The following DOCK4 variants were observed in gnomAD, a reference collection of about 807,000 sequenced individuals.
DOCK4 encodes dedicator of cytokinesis protein 4.
DOCK4 carries 97 observed loss-of-function variants against 268.1 expected under a neutral mutation model. That is an observed-to-expected ratio of 0.36 (90% confidence interval 0.31 to 0.43). The LOEUF is 0.43. Ranked by LOEUF, DOCK4 falls within the 20% of genes least tolerant of loss-of-function variation. The pLI is 1.00. For missense variants in DOCK4, 2,145 were observed against 2,455.7 expected (o/e 0.87, Z 2.67); for synonymous variants, 954 against 887.2 (o/e 1.08, Z -1.34).
chr7:111,775,678 G>C (rs1030966703), intron 36 of DOCK4, among the ~76,000 whole-genome samples: 7 of 152,210 alleles, frequency 4.6e-5, no homozygotes, highest in Non-Finnish European at 1.0e-4. Flanking sequence ...AAGATCCCCT[G>C]TGGGGTGAAG....
chr7:112,149,333 A>C (rs923731362), intron 1 of DOCK4, among the ~76,000 whole-genome samples: 18 of 152,128 alleles, frequency 1.2e-4, no homozygotes, highest in African/African-American at 4.3e-4. Context: ...CTAAGGAAGA[A>C]AAAAATGCAG....
At chr7:112,129,107 T>G (rs866643327) in intron 1 of DOCK4, among the ~76,000 whole-genome samples, 1 of 152,296 alleles carries the variant, frequency 6.6e-6, no homozygotes, top group African/African-American at 2.4e-5. Context: ...ACATGAATGT[T>G]CTTAGCAGCT....
At position 111,791,101 on chromosome 7, in the gene DOCK4, A is replaced by ATATATATATAT. The variant is rs1355856524; in HGVS notation, c.3167-497_3167-496insATATATATATA. On this transcript the variant is annotated intron_variant, in intron 30 of 52. Transcript: ENST00000428084. Reference sequence around the variant, plus strand: ...ATATATATATATATATATATATATAAAATAAATCATCAGGAATTGGTTATG... The same window carrying ATATATATATAT: ...ATATATATATATATATATATATATAATATATATATATAATAAATCATCAGGAATTGGTTATG... Among the ~76,000 whole-genome samples, 846 of 115,598 alleles carry ATATATATATAT rather than the reference A, an allele frequency of 7.3e-3. 42 individuals are homozygous for ATATATATATAT. The highest frequency in any genetic ancestry group is 0.027 in the African/African-American group (611 of 22,964). The allele number at this position is 115,598 out of a possible 152,430, so 75.8% of individuals were successfully genotyped here.
chr7:111,762,809 C>CCAG (rs1345351513), intron 39 of DOCK4, among the ~76,000 whole-genome samples: 1 of 93,682 alleles, frequency 1.1e-5, no homozygotes, highest in African/African-American at 3.7e-5. Flanking sequence ...TCACTGTCAC[C>CCAG]CAGGCTGGAG....
chr7:111,898,718 T>C (rs552746692), intron 15 of DOCK4, among the ~76,000 whole-genome samples: 18 of 152,330 alleles, frequency 1.2e-4, no homozygotes, highest in Middle Eastern at 3.4e-3. Flanking sequence ...ATTCATAGTT[T>C]GTGGTATTAT....
Position 111,834,610 on chromosome 7 carries a change from A to C in DOCK4, c.2813T>G (p.Phe938Cys), listed in dbSNP as rs1162713063. ...DRHYQQLLDS[F>C]NTKEELRDFL... ...TACCCTTAGTTCTTCCTTTGTATTAAAACTATCAAGAAGCTGTTGATAATG... is the reference window on the plus strand; with the variant it reads ...TACCCTTAGTTCTTCCTTTGTATTACAACTATCAAGAAGCTGTTGATAATG... Residue 938 changes from phenylalanine (F) to cysteine (C), a missense_variant, in exon 26 of 53, where the codon TTT becomes TGT. Phe to Cys is a radical substitution (Grantham distance 205). Transcript: ENST00000428084. 1 of 1,553,666 alleles carries C rather than the reference A, an allele frequency of 6.4e-7. No individual in the cohort carries two copies. The highest frequency in any genetic ancestry group is 8.7e-7 in the Non-Finnish European group (1 of 1,148,166).
In DOCK4 at chr7:112,169,637, G is replaced by A. The variant is rs574392742; in HGVS notation, c.37+36465C>T. ...GATAAATCCCAATCATGCATCTGTC[G>A]ACCATCCAAGGCCTTCTTGTTCCAC... is the stretch of plus-strand genomic sequence containing the variant. On this transcript the variant is annotated intron_variant, in intron 1 of 52. Transcript: ENST00000428084. Among the ~76,000 whole-genome samples the A allele has an allele frequency of 1.2e-4, 19 of 152,268 alleles. No individual in the cohort carries two copies. The South Asian group carries it at 3.7e-3, about 30-fold the overall frequency.
At chr7:111,767,222 T>A in intron 37 of DOCK4, 104 bp from the exon 38 acceptor site, 5 of 779,528 alleles carry the variant, frequency 6.4e-6, no homozygotes, top group Non-Finnish European at 1.0e-5. Context: ...GCCTTACTCC[T>A]TAATCTTTTT....
chr7:112,150,262 A>G (rs1264602833), intron 1 of DOCK4, among the ~76,000 whole-genome samples: 1 of 152,116 alleles, frequency 6.6e-6, no homozygotes. Flanking sequence ...GCACTGGTAA[A>G]TGTATACTGT....
intron 6 of DOCK4, among the ~76,000 whole-genome samples, chr7:111,986,725 C>T (rs577470420): frequency 9.2e-5 from 14 of 152,252 alleles, no homozygotes; most frequent in African/African-American, 3.4e-4. Flanking sequence ...AAACATGTAC[C>T]ATTATTTTAG....
At chr7:112,199,623 ATAGTTC>A (rs1177236670) in intron 1 of DOCK4, among the ~76,000 whole-genome samples, 2 of 152,208 alleles carry the variant, frequency 1.3e-5, no homozygotes, top group African/African-American at 4.8e-5. Flanking sequence ...AAATAAGCAT[ATAGTTC>A]ACTTTTTTAA....
At chr7:111,926,128 G>A (rs1205315794) in intron 12 of DOCK4, among the ~76,000 whole-genome samples, 1 of 139,976 alleles carries the variant, frequency 7.1e-6, no homozygotes, top group Non-Finnish European at 1.5e-5. Flanking sequence ...GAAAAAGAAA[G>A]AAAGAAAGAA....
At chr7:111,770,274 T>C (rs942358033) in intron 36 of DOCK4, among the ~76,000 whole-genome samples, 11 of 149,302 alleles carry the variant, frequency 7.4e-5, no homozygotes, top group Admixed American at 2.7e-4. Flanking sequence ...GGGTAGGGAT[T>C]GGAGAGGGTG....
At chr7:112,168,001 A>T (rs558910891) in intron 1 of DOCK4, among the ~76,000 whole-genome samples, 3 of 152,178 alleles carry the variant, frequency 2.0e-5, no homozygotes, top group Admixed American at 6.5e-5. Flanking sequence ...AAAATTTGAA[A>T]CTGTATCGAT....
intron 39 of DOCK4, among the ~76,000 whole-genome samples, chr7:111,762,777 T>C (rs1368504389): frequency 7.6e-6 from 1 of 131,470 alleles, no homozygotes; most frequent in Admixed American, 8.1e-5. Flanking sequence ...TTTTTTTTTT[T>C]TTTTTTTTTG....
intron 1 of DOCK4, among the ~76,000 whole-genome samples, chr7:112,030,631 C>T (rs968080772): frequency 4.6e-5 from 7 of 152,086 alleles, no homozygotes; most frequent in Non-Finnish European, 8.8e-5. Flanking sequence ...CAAACTTTAA[C>T]CAGAGTTGGT....
chr7:112,203,826 TACACACACACACACACAC>T lies in DOCK4; in HGVS notation c.37+2258_37+2275del, dbSNP rs3056587. 8.8e-5 allele frequency among the ~76,000 whole-genome samples: 13 copies of T among 146,998 alleles called. No homozygotes were observed. In the South Asian group the frequency reaches 1.5e-3, roughly 17 times the overall value. ...ATAAGTATCCTAGCAAAAATTTCAC[TACACACACACACACACAC>T]ACACACACACACACACACACACGCC... On this transcript the variant is annotated intron_variant, in intron 1 of 52. Coordinates refer to ENST00000428084, the MANE Select transcript of DOCK4 (RefSeq NM_001363540.2).
chr7:111,740,729 TAAAAAAA>T (rs59019816), intron 47 of DOCK4, among the ~76,000 whole-genome samples: 6 of 16,480 alleles, frequency 3.6e-4, no homozygotes, highest in East Asian at 3.0e-3. Flanking sequence ...TGAGACTCGC[TAAAAAAA>T]AAAAAAAAAA....
intron 23 of DOCK4, among the ~76,000 whole-genome samples, chr7:111,853,761 C>T (rs1804776341): frequency 6.6e-6 from 1 of 152,176 alleles, no homozygotes. Flanking sequence ...CTGTGTACAT[C>T]TTACTTTTGG....
Sources: allele counts gnomAD v4.1 joint callset (sites outside exome capture counted in the v4.1 genomes callset), GRCh38; gene constraint gnomAD v4.1.1; transcripts MANE v1.5; gene names NCBI Gene and HGNC (gene_info 2026-07-23, HGNC 2026-07-21).